MFF: variants seen among roughly 807,000 people sequenced by gnomAD.
The protein encoded by MFF is chromosome 2 open reading frame 33.
A neutral mutation model predicts 36.9 loss-of-function variants in MFF; 12 were observed. The observed-to-expected ratio is 0.33, with a 90% confidence interval of 0.21 to 0.53. The LOEUF is 0.53. MFF is among the 20% of genes least tolerant of loss of function. The pLI is 0.95. For missense variants in MFF, 348 were observed against 366.6 expected, an observed-to-expected ratio of 0.95 and a Z score of 0.42; for synonymous variants, 99 against 126.2, an observed-to-expected ratio of 0.78 and a Z score of 1.44.
At position 227,333,437 on chromosome 2, in the gene MFF, C is replaced by A. The variant is rs1376904633; in HGVS notation, c.351+849C>A. 3.9e-5 allele frequency among the ~76,000 whole-genome samples: 6 copies of A among 152,168 alleles called. 1 individual carries two copies. Among genetic ancestry groups the A allele is most frequent in the African/African-American group, 1.4e-4 (6 of 41,438 alleles). On this transcript the variant is annotated intron_variant, in intron 4 of 8. Coordinates refer to ENST00000304593, the MANE Select transcript of MFF (RefSeq NM_001277062.2). ...AGGTATTTGGTGAAAAGCACTAAAT[C>A]TGAGCCTTTACATGACAGAAAGGCA...
In MFF at chr2:227,331,865, A is replaced by G. The variant is rs372087062; in HGVS notation, c.182-554A>G. ...GTTGTAAGAGTTTTAAATATTCTAG[A>G]TATCAGTTTTTTGGTTATATATTGT... On this transcript the variant is annotated intron_variant, in intron 3 of 8. Coordinates refer to ENST00000304593, the MANE Select transcript of MFF (RefSeq NM_001277062.2). Among the ~76,000 whole-genome samples, 16 of 151,154 alleles carry G rather than the reference A, an allele frequency of 1.1e-4. No individual in the cohort carries two copies. In the East Asian group the frequency reaches 1.4e-3, roughly 13 times the overall value.
Position 227,357,088 on chromosome 2 carries a change from C to T in MFF, c.847C>T (p.Leu283Phe). 1 of 1,612,226 alleles carries T rather than the reference C, an allele frequency of 6.2e-7. No homozygotes were observed. Among genetic ancestry groups the T allele is most frequent in the Non-Finnish European group, 8.5e-7 (1 of 1,179,940 alleles). Reference sequence around the variant, plus strand: ...TTCAATTACTGTAGCTTTCTGGCTGCTTAATAGCTGGCTCTGGTTTCGCCG... The same window carrying T: ...TTCAATTACTGTAGCTTTCTGGCTGTTTAATAGCTGGCTCTGGTTTCGCCG... ...MYSITVAFWL[L>F]NSWLWFRR Residue 283 changes from leucine to phenylalanine, a missense_variant, in exon 9 of 9, where the codon CTT becomes TTT. By Grantham distance (22) the Leu-to-Phe change is conservative (BLOSUM62 0). Coordinates refer to ENST00000304593, the MANE Select transcript of MFF (RefSeq NM_001277062.2).
rs1172124356 is a variant in MFF at position 227,332,416 on chromosome 2, T to C, written c.182-3T>C. On this transcript the variant is annotated splice_region_variant and splice_polypyrimidine_tract_variant and intron_variant, in intron 3 of 8. Transcript: ENST00000304593. ...CTTTGTCTCTTTTCTTGAAAACTCC[T>C]AGGAAATAATGAAGATGTTTCATTT... The C allele has an allele frequency of 6.7e-7, 1 of 1,485,598 alleles. No individual in the cohort carries two copies. Among genetic ancestry groups the C allele is most frequent in the Admixed American group, 2.0e-5 (1 of 51,096 alleles). 92.0% of individuals were successfully genotyped at this position (1,485,598 alleles called of 1,614,324 possible).
At chr2:227,354,737 ATTATT>A (rs972593382) in intron 7 of MFF, among the ~76,000 whole-genome samples, 115 of 148,918 alleles carry the variant, frequency 7.7e-4, no homozygotes, top group African/African-American at 2.8e-3. Flanking sequence ...GTTTTTCAGT[ATTATT>A]TTATACACAG....
In MFF at chr2:227,352,383, GATATT is replaced by G. The variant is rs990165622; in HGVS notation, c.600-125_600-121del. The G allele has an allele frequency of 3.6e-5, 24 of 658,270 alleles. No individual in the cohort carries two copies. The Admixed American group carries it at 4.7e-4, about 13-fold the overall frequency. The allele number at this position is 658,270 out of a possible 1,614,324, so 40.8% of individuals were successfully genotyped here. On this transcript the variant is annotated intron_variant, in intron 6 of 8. Coordinates refer to ENST00000304593, the MANE Select transcript of MFF (RefSeq NM_001277062.2). ...CAAGGATTTTTTAAAGTAGTTGAGAGATATTATATTGTATTGAAATATACAATATA... is the reference window on the plus strand; with the variant it reads ...CAAGGATTTTTTAAAGTAGTTGAGAGATATTGTATTGAAATATACAATATA...
intron 5 of MFF, chr2:227,347,020 G>A: frequency 2.1e-6 from 1 of 466,706 alleles, no homozygotes; most frequent in East Asian, 3.2e-5. Flanking sequence ...GATGTTTAGG[G>A]TTACAAAGTT....
At chr2:227,335,901 T>G (rs1294864466) in intron 4 of MFF, among the ~76,000 whole-genome samples, 1 of 152,228 alleles carries the variant, frequency 6.6e-6, no homozygotes, top group Non-Finnish European at 1.5e-5. Context: ...TGCTTGGTGA[T>G]TCTGTCTGCT....
rs573269151 is a variant in MFF at position 227,351,393 on chromosome 2, A to G, written c.600-1121A>G. Reference sequence around the variant, plus strand: ...ATTTTCTTACATGAATTGAATTATCAGAAAATAATTTGTATTGTAGTCAAA... The same window carrying G: ...ATTTTCTTACATGAATTGAATTATCGGAAAATAATTTGTATTGTAGTCAAA... On this transcript the variant is annotated intron_variant, in intron 6 of 8. Transcript: ENST00000304593. Among the ~76,000 whole-genome samples, 3 of 60,800 alleles carry G rather than the reference A, an allele frequency of 4.9e-5. No homozygotes were observed. In the East Asian group the frequency reaches 1.4e-3, roughly 28 times the overall value. 39.9% of individuals were successfully genotyped at this position (60,800 alleles called of 152,430 possible). A position where few individuals can be genotyped will look rare whatever the true frequency, so the allele number is the denominator to read the frequency against.
intron 8 of MFF, among the ~76,000 whole-genome samples, chr2:227,356,390 A>C (rs1200249810): frequency 6.6e-6 from 1 of 152,204 alleles, no homozygotes; most frequent in Non-Finnish European, 1.5e-5. Context: ...TTTCACAGTA[A>C]GGGCTAACAG....
chr2:227,332,623 T>C, intron 4 of MFF, 35 bp downstream of exon 4: 3 of 1,520,826 alleles, frequency 2.0e-6, no homozygotes, highest in Non-Finnish European at 2.7e-6. Flanking sequence ...GAATTTGAAA[T>C]AATGTAGACA....
Position 227,355,736 on chromosome 2 carries a change from T to C in MFF, c.719T>C (p.Val240Ala), listed in dbSNP as rs771654144. ...GGAACGTCAGATGACCTGACTGTTG[T>C]AGATGCAGCTTCACTAAGACGACAG... ...IEGTSDDLTV[V>A]DAASLRRQII... Residue 240 changes from valine (V) to alanine (A), a missense_variant, in exon 8 of 9, where the codon GTA becomes GCA. Coordinates refer to ENST00000304593, the MANE Select transcript of MFF (RefSeq NM_001277062.2). 2 of 1,610,282 alleles carry C rather than the reference T, an allele frequency of 1.2e-6. No homozygotes were observed. Among genetic ancestry groups the C allele is most frequent in the Non-Finnish European group, 1.7e-6 (2 of 1,176,716 alleles).
chr2:227,350,771 G>A (rs2075956301), intron 6 of MFF, among the ~76,000 whole-genome samples: 1 of 152,098 alleles, frequency 6.6e-6, no homozygotes, highest in Non-Finnish European at 1.5e-5. Context: ...GGAGCTTGGT[G>A]GTAGCCTTGG....
chr2:227,354,768 T>C (rs2076176626), intron 7 of MFF, among the ~76,000 whole-genome samples: 1 of 152,204 alleles, frequency 6.6e-6, no homozygotes, highest in Non-Finnish European at 1.5e-5. Context: ...TATTCATTAT[T>C]GGGCCAATTC....
chr2:227,348,493 G>C (rs76278648), intron 6 of MFF, among the ~76,000 whole-genome samples: 19 of 152,070 alleles, frequency 1.2e-4, no homozygotes, highest in Non-Finnish European at 1.5e-4. Context: ...TGAGGGTGTG[G>C]GGAGGGGAAT....
chr2:227,348,890 C>G (rs964194665), intron 6 of MFF, among the ~76,000 whole-genome samples: 1 of 151,918 alleles, frequency 6.6e-6, no homozygotes, highest in African/African-American at 2.4e-5. Flanking sequence ...GGAGATCTTT[C>G]AAACGATATT....
intron 6 of MFF, among the ~76,000 whole-genome samples, chr2:227,349,429 C>G (rs2075878668): frequency 6.6e-6 from 1 of 151,870 alleles, no homozygotes; most frequent in Admixed American, 6.6e-5. Flanking sequence ...GAATTGATAA[C>G]TCTAAAATCC....
rs924969483 is a variant in MFF at position 227,357,228 on chromosome 2, G to A, written c.*111G>A. ...TATGCCATTTTATAGTCCACACCCT[G>A]AAAATGTATTTCTTCCAGAAAGTCT... On this transcript the variant is annotated 3_prime_UTR_variant, in exon 9 of 9. Transcript: ENST00000304593. 8.5e-7 allele frequency: 1 copy of A among 1,172,028 alleles called. No individual in the cohort carries two copies. Among genetic ancestry groups the A allele is most frequent in the African/African-American group, 1.5e-5 (1 of 66,816 alleles). The allele number at this position is 1,172,028 out of a possible 1,614,324, so 72.6% of individuals were successfully genotyped here. A position where few individuals can be genotyped will look rare whatever the true frequency, so the allele number is the denominator to read the frequency against.
chr2:227,335,069 G>C lies in MFF; in HGVS notation c.351+2481G>C, dbSNP rs1355802465. Among the ~76,000 whole-genome samples, 4 of 151,990 alleles carry C rather than the reference G, an allele frequency of 2.6e-5. No individual in the cohort carries two copies. In the South Asian group the frequency reaches 8.3e-4, roughly 32 times the overall value. ...GCCTGTAATCCCAGCTACTCTGGAGGGGGAGGCAGGAGAATCACTTGAACC... is the reference window on the plus strand; with the variant it reads ...GCCTGTAATCCCAGCTACTCTGGAGCGGGAGGCAGGAGAATCACTTGAACC... On this transcript the variant is annotated intron_variant, in intron 4 of 8. Coordinates refer to ENST00000304593, the MANE Select transcript of MFF (RefSeq NM_001277062.2).
At chr2:227,331,849 G>C (rs1036335962) in intron 3 of MFF, among the ~76,000 whole-genome samples, 2 of 150,056 alleles carry the variant, frequency 1.3e-5, no homozygotes, top group African/African-American at 4.9e-5. Flanking sequence ...TGTTGTAAGA[G>C]TTTTAAATAT....
Sources: gnomAD v4.1 joint callset for allele counts (sites outside exome capture counted in the v4.1 genomes callset) on GRCh38, gnomAD v4.1.1 for gene constraint, MANE v1.5 for transcripts, NCBI Gene and HGNC (gene_info 2026-07-23, HGNC 2026-07-21) for gene names.